The following ELAPOR2 variants were observed in gnomAD, a reference collection of about 807,000 sequenced individuals.
ELAPOR2 encodes the protein endosome/lysosome-associated apoptosis and autophagy regulator family member 2.
ELAPOR2 carries 89 observed loss-of-function variants against 120.7 expected under a neutral mutation model. The observed-to-expected ratio is 0.74, with a 90% confidence interval of 0.62 to 0.88. ELAPOR2 has a LOEUF of 0.88. ELAPOR2 is among the 40% of genes least tolerant of loss of function. ELAPOR2 has a pLI of 0.00. For missense variants in ELAPOR2, 1,134 were observed against 1,251.6 expected, an observed-to-expected ratio of 0.91 and a Z score of 1.42; for synonymous variants, 444 against 444.9, an observed-to-expected ratio of 1.00 and a Z score of 0.03.
chr7:86,956,594 T>C (rs1791480523), intron 2 of ELAPOR2, among the ~76,000 whole-genome samples: 1 of 152,202 alleles, frequency 6.6e-6, no homozygotes, highest in Non-Finnish European at 1.5e-5. Context: ...CCACAGATAG[T>C]AATCCCCGTT....
chr7:86,940,084 T>C lies in ELAPOR2; in HGVS notation c.773A>G (p.Tyr258Cys). The change falls in exon 6 of 22, where the codon TAC (tyrosine) becomes TGC (cysteine). Residue 258 changes from tyrosine to cysteine, a missense_variant. By Grantham distance (194) the Tyr-to-Cys change is radical. Transcript: ENST00000450689. ...VMLKSGTNIL[Y>C]WRTTGILMGS... ...CATAAGGATGCCTGTAGTTCTCCAG[T>C]AGAGTATGTTTGTGCCTGATTTCAG... The C allele has an allele frequency of 6.2e-7, 1 of 1,612,148 alleles. No homozygotes were observed. Among genetic ancestry groups the C allele is most frequent in the Non-Finnish European group, 8.5e-7 (1 of 1,178,722 alleles).
At chr7:87,015,029 GA>G (rs572649697) in intron 1 of ELAPOR2, among the ~76,000 whole-genome samples, 10 of 149,052 alleles carry the variant, frequency 6.7e-5, no homozygotes, top group South Asian at 2.1e-4. Flanking sequence ...TGCGCTGCAG[GA>G]AAAAAAAAGC....
chr7:86,968,650 A>C (rs1212292119), intron 1 of ELAPOR2, among the ~76,000 whole-genome samples: 1 of 152,216 alleles, frequency 6.6e-6, no homozygotes, highest in East Asian at 1.9e-4. Context: ...AGGTGCACTA[A>C]AAAGCACATC....
chr7:86,967,949 T>G (rs993743275), intron 1 of ELAPOR2, among the ~76,000 whole-genome samples: 1 of 152,188 alleles, frequency 6.6e-6, no homozygotes, highest in Non-Finnish European at 1.5e-5. Context: ...GGGATTTAGA[T>G]AGTAGCCCAA....
intron 1 of ELAPOR2, among the ~76,000 whole-genome samples, chr7:87,021,497 TCA>T (rs1190160443): frequency 6.6e-6 from 1 of 151,978 alleles, no homozygotes; most frequent in South Asian, 2.1e-4. Flanking sequence ...ATTTAACCAG[TCA>T]CCTCTTAAAA....
chr7:86,976,838 A>G (rs1792298085), intron 1 of ELAPOR2, among the ~76,000 whole-genome samples: 1 of 152,206 alleles, frequency 6.6e-6, no homozygotes, highest in Non-Finnish European at 1.5e-5. Flanking sequence ...CAATCAACAT[A>G]TAACACCACC....
chr7:86,979,736 G>A (rs1002018674), intron 1 of ELAPOR2, among the ~76,000 whole-genome samples: 4 of 152,166 alleles, frequency 2.6e-5, no homozygotes, highest in East Asian at 1.9e-4. Context: ...AAGCCAATGC[G>A]AGCTAGGATC....
At chr7:87,047,591 C>G (rs1020063143) in intron 1 of ELAPOR2, among the ~76,000 whole-genome samples, 1 of 152,162 alleles carries the variant, frequency 6.6e-6, no homozygotes, top group Non-Finnish European at 1.5e-5. Context: ...CTCAATATCA[C>G]CAGTCATTAG....
At chr7:87,027,380 T>C (rs950228540) in intron 1 of ELAPOR2, among the ~76,000 whole-genome samples, 1 of 152,202 alleles carries the variant, frequency 6.6e-6, no homozygotes, top group African/African-American at 2.4e-5. Flanking sequence ...AACTGGTAAC[T>C]GTGCCTAAAT....
At chr7:87,043,166 G>A (rs1454670185) in intron 1 of ELAPOR2, among the ~76,000 whole-genome samples, 1 of 151,622 alleles carries the variant, frequency 6.6e-6, no homozygotes, top group Non-Finnish European at 1.5e-5. Context: ...ATTCACAGCC[G>A]AATTCTACCA....
At chr7:86,956,373 T>C (rs547991446) in intron 2 of ELAPOR2, among the ~76,000 whole-genome samples, 1 of 152,332 alleles carries the variant, frequency 6.6e-6, no homozygotes, top group South Asian at 2.1e-4. Context: ...CCTAACTCAC[T>C]GTTCCCTGAA....
intron 21 of ELAPOR2, among the ~76,000 whole-genome samples, chr7:86,889,244 C>T (rs896091460): frequency 2.0e-5 from 3 of 151,962 alleles, no homozygotes; most frequent in African/African-American, 7.3e-5. Context: ...CTAATATATC[C>T]TGTAGTACCT....
intron 11 of ELAPOR2, among the ~76,000 whole-genome samples, 199 bp downstream of exon 11, chr7:86,919,021 T>C (rs1789697989): frequency 6.6e-6 from 1 of 152,194 alleles, no homozygotes; most frequent in Admixed American, 6.6e-5. Context: ...CTAAGTAATA[T>C]ATAACTAACA....
chr7:87,033,057 G>T (rs75516291), intron 1 of ELAPOR2, among the ~76,000 whole-genome samples: 8 of 152,194 alleles, frequency 5.3e-5, no homozygotes, highest in African/African-American at 1.9e-4. Flanking sequence ...AATAAGATTC[G>T]ATCAATAGCC....
Position 87,059,406 on chromosome 7 carries a change from G to C in ELAPOR2, c.108C>G (p.Cys36Trp). ...SPPWSPAWIC[C>W]WALAGCQAAW... is the part of the protein sequence containing the mutation. ...CCGCCTGGCAGCCGGCGAGCGCCCA[G>C]CAGCAAATCCAGGCGGGGCTCCAGG... is the stretch of plus-strand genomic sequence containing the variant. The change falls in exon 1 of 22, where the codon TGC (cysteine) becomes TGG (tryptophan). Residue 36 changes from cysteine (C) to tryptophan (W), a missense_variant. Transcript: ENST00000450689. The C allele has an allele frequency of 8.1e-7, 1 of 1,241,538 alleles. No individual in the cohort carries two copies. The highest frequency in any genetic ancestry group is 1.0e-6 in the Non-Finnish European group (1 of 987,404). The allele number at this position is 1,241,538 out of a possible 1,614,324, so 76.9% of individuals were successfully genotyped here. A position where few individuals can be genotyped will look rare whatever the true frequency, so the allele number is the denominator to read the frequency against.
chr7:87,045,333 C>T (rs2129016538), intron 1 of ELAPOR2, among the ~76,000 whole-genome samples: 1 of 148,638 alleles, frequency 6.7e-6, no homozygotes, highest in South Asian at 2.1e-4. Context: ...GCATTATTGA[C>T]AATAGCAAAG....
At chr7:86,889,576 G>T (rs759197952) in intron 21 of ELAPOR2, among the ~76,000 whole-genome samples, 1 of 151,868 alleles carries the variant, frequency 6.6e-6, no homozygotes, top group Non-Finnish European at 1.5e-5. Context: ...CTTCCGGGGG[G>T]GACAAGGCAG....
chr7:86,926,853 T>C lies in ELAPOR2; in HGVS notation c.1153A>G (p.Arg385Gly), dbSNP rs756663631. The C allele has an allele frequency of 6.9e-6, 11 of 1,592,562 alleles. No homozygotes were observed. Among genetic ancestry groups the C allele is most frequent in the Non-Finnish European group, 9.4e-6 (11 of 1,173,236 alleles). The part of the protein sequence containing the change: ...ICREDLTDAI[R>G]LPPSGEKKDC... ...TTCTTCTCTCCAGAAGGGGGCAATC[T>C]AATAGCATCTGTGAGATCCTCCCGG... Residue 385 changes from arginine to glycine, a missense_variant, in exon 9 of 22, where the codon AGA (arginine) becomes GGA (glycine). Around this residue, in one of 3 missense-constraint regions of ELAPOR2, gnomAD observed 831 missense variants for 867.6 expected, o/e 0.96. Coordinates refer to ENST00000450689, the MANE Select transcript of ELAPOR2 (RefSeq NM_001142749.3).
intron 19 of ELAPOR2, 47 bp from the exon 20 acceptor site, chr7:86,893,147 T>C: frequency 1.4e-6 from 2 of 1,408,270 alleles, no homozygotes; most frequent in Non-Finnish European, 1.9e-6. Context: ...AGAAATGAAA[T>C]TCAGACTCAA....
Sources: allele counts gnomAD v4.1 joint callset (sites outside exome capture counted in the v4.1 genomes callset), GRCh38; gene constraint gnomAD v4.1.1; regional missense constraint gnomAD v4.1.1; transcripts MANE v1.5; gene names NCBI Gene and HGNC (gene_info 2026-07-23, HGNC 2026-07-21).